OXR1: variants seen among roughly 807,000 people sequenced by gnomAD.
The protein encoded by OXR1 is oxidation resistance 1.
Under a neutral mutation model 104.6 loss-of-function variants are expected in OXR1, and 41 were observed. The observed-to-expected ratio is 0.39, with a 90% CI of 0.31 to 0.51. The LOEUF (loss-of-function observed/expected upper bound fraction) is 0.51. OXR1 is among the 20% of genes least tolerant of loss of function. The pLI, the probability that OXR1 is intolerant of heterozygous loss-of-function variation, is 0.77. For missense variants in OXR1, 955 were observed against 1,031.9 expected, an observed-to-expected ratio of 0.93 and a Z score of 1.02; for synonymous variants, 348 against 348.4, an observed-to-expected ratio of 1.00 and a Z score of 0.01.
intron 1 of OXR1, among the ~76,000 whole-genome samples, chr8:106,332,207 T>C (rs1261755283): frequency 6.6e-6 from 1 of 152,154 alleles, no homozygotes; most frequent in African/African-American, 2.4e-5. Flanking sequence ...GCTCACATGG[T>C]AAATCATGAG....
chr8:106,727,515 TCAAGTGATCTTCCTGCCTCAGCCCGG>T (rs1833461793), intron 11 of OXR1, among the ~76,000 whole-genome samples: 1 of 152,126 alleles, frequency 6.6e-6, no homozygotes, highest in African/African-American at 2.4e-5. Context: ...GCTCCTGGGC[TCAAGTGATCTTCCTGCCTCAGCCCGG>T]CAAGTAGCTG....
At chr8:106,704,437 C>G (rs1457196976) in intron 8 of OXR1, among the ~76,000 whole-genome samples, 3 of 115,208 alleles carry the variant, frequency 2.6e-5, no homozygotes, top group Non-Finnish European at 4.9e-5. Flanking sequence ...GATGGAGTCT[C>G]GCTCTATCAC....
At chr8:106,445,437 C>T (rs1330298021) in intron 2 of OXR1, among the ~76,000 whole-genome samples, 1 of 152,138 alleles carries the variant, frequency 6.6e-6, no homozygotes, top group Non-Finnish European at 1.5e-5. Flanking sequence ...CTGGTGCCTG[C>T]AGTTTGAGAA....
chr8:106,372,750 A>G (rs534297918), intron 2 of OXR1, among the ~76,000 whole-genome samples: 25 of 152,364 alleles, frequency 1.6e-4, no homozygotes, highest in Admixed American at 1.4e-3. Context: ...TTATCTCATC[A>G]TAAATGCAAA....
At chr8:106,312,546 G>A (rs1309770130) in intron 1 of OXR1, among the ~76,000 whole-genome samples, 5 of 152,142 alleles carry the variant, frequency 3.3e-5, no homozygotes, top group Admixed American at 3.3e-4. Flanking sequence ...ATACTCAGAG[G>A]CAAAAATCAC....
At chr8:106,557,179 T>A (rs1816347302) in intron 3 of OXR1, among the ~76,000 whole-genome samples, 1 of 152,200 alleles carries the variant, frequency 6.6e-6, no homozygotes. Flanking sequence ...ATTATTTTCC[T>A]GTTCTAATTG....
intron 1 of OXR1, among the ~76,000 whole-genome samples, chr8:106,303,503 G>C (rs1006988579): frequency 6.6e-6 from 1 of 151,840 alleles, no homozygotes; most frequent in African/African-American, 2.4e-5. Flanking sequence ...CTCCCAAAGT[G>C]CTGGGATTAC....
chr8:106,677,831 C>G (rs1221200325), intron 3 of OXR1, among the ~76,000 whole-genome samples: 1 of 152,054 alleles, frequency 6.6e-6, no homozygotes, highest in African/African-American at 2.4e-5. Context: ...AATTCTTTCT[C>G]TACTTTTCTT....
intron 2 of OXR1, among the ~76,000 whole-genome samples, chr8:106,413,203 A>AT (rs1170591597): frequency 2.0e-5 from 3 of 151,926 alleles, no homozygotes; most frequent in Non-Finnish European, 2.9e-5. Context: ...CTTCTGTGAT[A>AT]TTTTTTTGGC....
At chr8:106,339,519 A>AAAATAT (rs869120573) in intron 1 of OXR1, among the ~76,000 whole-genome samples, 6 of 33,356 alleles carry the variant, frequency 1.8e-4, no homozygotes, top group Non-Finnish European at 3.2e-4. Context: ...AAAAAAAAAA[A>AAAATAT]ATATATATAT....
rs267601703 is a variant in OXR1 at position 106,692,759 on chromosome 8, C to T, written c.557C>T (p.Pro186Leu). 6.4e-7 allele frequency: 1 copy of T among 1,562,740 alleles called. No individual in the cohort carries two copies. The highest frequency in any genetic ancestry group is 8.7e-7 in the Non-Finnish European group (1 of 1,153,352). ...NPDVHPTEAT[P>L]SSTFTGIRPA... Reference sequence around the variant, plus strand: ...GATGTCCATCCAACAGAAGCAACTCCCTCATCTACTTTCACTGGTATTCGA... The same window carrying T: ...GATGTCCATCCAACAGAAGCAACTCTCTCATCTACTTTCACTGGTATTCGA... Residue 186 changes from proline to leucine, a missense_variant, in exon 7 of 17, where the codon CCC becomes CTC. Pro to Leu is a moderately conservative substitution (Grantham distance 98, BLOSUM62 -3). This residue lies in a region of OXR1 where 849 missense variants were observed against 852.9 expected (regional missense o/e 1.00). Coordinates refer to ENST00000517566, the MANE Select transcript of OXR1 (RefSeq NM_001198533.2).
chr8:106,694,304 G>A (rs984006380), intron 7 of OXR1, among the ~76,000 whole-genome samples: 8 of 149,712 alleles, frequency 5.3e-5, no homozygotes, highest in African/African-American at 2.0e-4. Context: ...TCTGTCAGTT[G>A]TTGATAGAAG....
intron 2 of OXR1, among the ~76,000 whole-genome samples, chr8:106,440,216 C>G (rs1819729544): frequency 6.6e-6 from 1 of 152,048 alleles, no homozygotes; most frequent in Non-Finnish European, 1.5e-5. Context: ...TTTATTCCCA[C>G]ACCCACACCC....
intron 3 of OXR1, among the ~76,000 whole-genome samples, chr8:106,616,074 C>T (rs1294202733): frequency 3.4e-5 from 4 of 117,820 alleles, no homozygotes; most frequent in African/African-American, 1.3e-4. Flanking sequence ...CTTGCTCTGT[C>T]TCCCAGGCTG....
At chr8:106,366,656 G>A (rs1816481478) in intron 2 of OXR1, among the ~76,000 whole-genome samples, 1 of 152,096 alleles carries the variant, frequency 6.6e-6, no homozygotes, top group Non-Finnish European at 1.5e-5. Flanking sequence ...TGTGTGATAG[G>A]AAAAGCTTAG....
At chr8:106,621,681 T>C (rs923450665) in intron 3 of OXR1, among the ~76,000 whole-genome samples, 3 of 152,160 alleles carry the variant, frequency 2.0e-5, no homozygotes, top group Admixed American at 2.0e-4. Flanking sequence ...CTTTTGAGGA[T>C]AGGGATACTT....
chr8:106,562,090 C>T (rs558419688), intron 3 of OXR1, among the ~76,000 whole-genome samples: 39 of 152,098 alleles, frequency 2.6e-4, no homozygotes, highest in African/African-American at 9.2e-4. Flanking sequence ...CAACTCCTCA[C>T]CAGCAGGGGA....
At chr8:106,367,188 G>A (rs1586572422) in intron 2 of OXR1, among the ~76,000 whole-genome samples, 1 of 151,288 alleles carries the variant, frequency 6.6e-6, no homozygotes, top group African/African-American at 2.4e-5. Flanking sequence ...CAGCCTCCCA[G>A]GTAGCTGGGA....
intron 2 of OXR1, among the ~76,000 whole-genome samples, chr8:106,511,337 C>G (rs575661633): frequency 6.6e-6 from 1 of 152,306 alleles, no homozygotes; most frequent in South Asian, 2.1e-4. Context: ...CTTGGAAAAC[C>G]TGCATTCTCA....
Sources: allele counts gnomAD v4.1 joint callset (sites outside exome capture counted in the v4.1 genomes callset), GRCh38; gene constraint gnomAD v4.1.1; regional missense constraint gnomAD v4.1.1; transcripts MANE v1.5; gene names NCBI Gene and HGNC (gene_info 2026-07-23, HGNC 2026-07-21).